Variants in TBC1D5 observed in about 807,000 individuals in gnomAD.
TBC1D5 encodes the protein TBC1 domain family member 5, also known as TBC1 domain family, member 5.
In TBC1D5, 75 loss-of-function variants were observed where a neutral mutation model predicts 100.3. The ratio of observed to expected loss-of-function variants is 0.75; its 90% CI spans 0.62 to 0.91. TBC1D5 has a LOEUF of 0.91. Ranked by LOEUF, TBC1D5 falls within the 40% of genes least tolerant of loss-of-function variation. The probability of loss-of-function intolerance (pLI) is 0.00; values close to 1 mark genes in which losing one functional copy is unlikely to be tolerated. For synonymous variants in TBC1D5, 323 were observed against 325.6 expected (o/e 0.99, Z 0.09); for missense variants, 910 against 942.4 (o/e 0.97, Z 0.45).
At chr3:17,545,529 T>C (rs564614212) in intron 2 of TBC1D5, among the ~76,000 whole-genome samples, 1 of 152,340 alleles carries the variant, frequency 6.6e-6, no homozygotes, top group East Asian at 1.9e-4. Flanking sequence ...GGTGGAATGA[T>C]GACTATAAGC....
At chr3:17,740,498 CTCAG>C (rs778147048) in exon 1 of TBC1D5, 3 of 152,136 alleles carry the variant, frequency 2.0e-5, no homozygotes, top group South Asian at 4.1e-4. Context: ...ACAACCTCTG[CTCAG>C]TCAGTTGGAG....
exon 1 of TBC1D5, chr3:17,740,605 T>C (rs1273490192): frequency 6.6e-6 from 1 of 152,220 alleles, no homozygotes; most frequent in Non-Finnish European, 1.5e-5. Context: ...TTAATTTACG[T>C]GTGAAAAAAT....
chr3:17,223,184 T>C (rs2074469120), intron 17 of TBC1D5, among the ~76,000 whole-genome samples: 1 of 152,196 alleles, frequency 6.6e-6, no homozygotes, highest in Non-Finnish European at 1.5e-5. Flanking sequence ...TCCAGGTTTG[T>C]ATAAATCAAT....
In TBC1D5 at chr3:17,622,407, AAG is replaced by A. The variant is rs138955330; in HGVS notation, c.-36+1440_-36+1441del. On this transcript the variant is annotated intron_variant, in intron 2 of 21. Transcript: ENST00000253692. ...TGCATGTGTAGCCCCTTCAGTACAC[AAG>A]AGTCTTATCAGTACCATTTATGCGT... Among the ~76,000 whole-genome samples the A allele has an allele frequency of 6.2e-3, 944 of 152,284 alleles. 7 individuals carry two copies. The highest frequency in any genetic ancestry group is 0.022 in the African/African-American group (899 of 41,558).
At chr3:17,475,550 A>T (rs1353531195) in intron 3 of TBC1D5, among the ~76,000 whole-genome samples, 1 of 152,058 alleles carries the variant, frequency 6.6e-6, no homozygotes, top group Non-Finnish European at 1.5e-5. Flanking sequence ...TGCAATCATC[A>T]ACAAGTAGTT....
In TBC1D5 at chr3:17,491,528, T is replaced by C. The variant is rs578085764; in HGVS notation, c.97+16946A>G. Among the ~76,000 whole-genome samples, 31 of 152,346 alleles carry C rather than the reference T, an allele frequency of 2.0e-4. No individual in the cohort carries two copies. In the South Asian group the frequency reaches 6.4e-3, roughly 32 times the overall value. On this transcript the variant is annotated intron_variant, in intron 3 of 21. Transcript: ENST00000253692. ...GTTTTTAACATGAAGGGATGTTCAA[T>C]TTTATTGAAGGCCTTTTCTGCCTCT... is the stretch of plus-strand genomic sequence containing the variant.
At chr3:17,438,099 C>A (rs1173695908) in intron 3 of TBC1D5, among the ~76,000 whole-genome samples, 1 of 152,104 alleles carries the variant, frequency 6.6e-6, no homozygotes, top group Non-Finnish European at 1.5e-5. Context: ...TACTAATGGC[C>A]TCTGAGGTTC....
intron 14 of TBC1D5, among the ~76,000 whole-genome samples, chr3:17,302,106 G>C (rs1346518849): frequency 2.0e-5 from 3 of 152,176 alleles, no homozygotes; most frequent in Non-Finnish European, 4.4e-5. Context: ...TTGTAGGGGA[G>C]AATCCTCCTT....
chr3:17,650,192 G>A (rs549479878), intron 1 of TBC1D5, among the ~76,000 whole-genome samples: 2 of 152,156 alleles, frequency 1.3e-5, no homozygotes, highest in South Asian at 2.1e-4. Flanking sequence ...ACCTCATGTA[G>A]GTGACGGGTT....
At chr3:17,267,520 G>C (rs2078975609) in intron 15 of TBC1D5, among the ~76,000 whole-genome samples, 1 of 152,078 alleles carries the variant, frequency 6.6e-6, no homozygotes, top group Admixed American at 6.6e-5. Flanking sequence ...TATTCCTAAA[G>C]ATTCCAATTT....
intron 2 of TBC1D5, among the ~76,000 whole-genome samples, chr3:17,604,873 A>G (rs942904429): frequency 3.3e-5 from 5 of 152,112 alleles, no homozygotes; most frequent in African/African-American, 1.2e-4. Context: ...ACAGGGTTTC[A>G]CCATGTTGGC....
rs560373428 is a variant in TBC1D5 at position 17,161,248 on chromosome 3, T to G, written c.2103A>C (p.Ser701=). 1.3e-4 allele frequency: 202 copies of G among 1,610,998 alleles called. 2 individuals carry two copies. In the South Asian group the frequency reaches 2.0e-3, roughly 16 times the overall value. Residue 701 remains serine, a synonymous_variant, in exon 22 of 22, where the codon TCA becomes TCC. Transcript: ENST00000253692. Reference sequence around the variant, plus strand: ...CTCTATCAGTGCACCCTGGCGTTTCTGAAGAGGCCTGTGAAGTACAGTCAG... The same window carrying G: ...CTCTATCAGTGCACCCTGGCGTTTCGGAAGAGGCCTGTGAAGTACAGTCAG...
intron 17 of TBC1D5, among the ~76,000 whole-genome samples, chr3:17,215,618 T>A (rs1442227872): frequency 2.0e-5 from 3 of 152,032 alleles, no homozygotes; most frequent in Non-Finnish European, 2.9e-5. Flanking sequence ...CATTTGGAAG[T>A]CAGTACCATA....
At chr3:17,304,531 G>A (rs1181322048) in intron 14 of TBC1D5, among the ~76,000 whole-genome samples, 1 of 151,924 alleles carries the variant, frequency 6.6e-6, no homozygotes, top group Non-Finnish European at 1.5e-5. Context: ...CCTCAGCCTC[G>A]TGAGTAGCTA....
chr3:17,492,247 A>AT (rs72534318), intron 3 of TBC1D5, among the ~76,000 whole-genome samples: 4 of 151,530 alleles, frequency 2.6e-5, no homozygotes, highest in Non-Finnish European at 4.4e-5. Flanking sequence ...GGATTCACTG[A>AT]TTTTTTTTGA....
chr3:17,735,866 A>G (rs2076926345), intron 1 of TBC1D5, among the ~76,000 whole-genome samples: 1 of 152,188 alleles, frequency 6.6e-6, no homozygotes, highest in Non-Finnish European at 1.5e-5. Flanking sequence ...AGTAACAAAC[A>G]CGGACCAGAA....
At chr3:17,677,244 A>G (rs908090751) in intron 1 of TBC1D5, among the ~76,000 whole-genome samples, 2 of 152,214 alleles carry the variant, frequency 1.3e-5, no homozygotes, top group African/African-American at 4.8e-5. Flanking sequence ...AATTTTTGCA[A>G]TCTACTCATC....
upstream of TBC1D5, among the ~76,000 whole-genome samples, chr3:17,742,311 G>A (rs2077535700): frequency 6.6e-6 from 1 of 152,166 alleles, no homozygotes; most frequent in South Asian, 2.1e-4. Context: ...CCCGTGAGAA[G>A]GCGGCGGCGG....
intron 18 of TBC1D5, among the ~76,000 whole-genome samples, chr3:17,205,568 T>C (rs2072051420): frequency 6.6e-6 from 1 of 152,198 alleles, no homozygotes; most frequent in Admixed American, 6.5e-5. Flanking sequence ...TGGCAATTAA[T>C]ACTTCAAGCG....
Sources: allele counts gnomAD v4.1 joint callset (sites outside exome capture counted in the v4.1 genomes callset), GRCh38; gene constraint gnomAD v4.1.1; transcripts MANE v1.5; gene names NCBI Gene and HGNC (gene_info 2026-07-23, HGNC 2026-07-21).